Variants in TENM4 observed in about 807,000 individuals in gnomAD.
The protein encoded by TENM4 is teneurin transmembrane protein 4.
TENM4 carries 82 observed loss-of-function variants against 243.3 expected under a neutral mutation model. The ratio of observed to expected loss-of-function variants is 0.34; its 90% confidence interval spans 0.28 to 0.40. The LOEUF (loss-of-function observed/expected upper bound fraction) is 0.40, where lower values mean the gene tolerates loss of function less well. TENM4 is among the 10% of genes least tolerant of loss of function. The pLI is 1.00. For synonymous variants in TENM4, 1,412 were observed against 1,456.3 expected (o/e 0.97, Z 0.69); for missense variants, 3,138 against 3,673.3 (o/e 0.85, Z 3.77).
At chr11:78,668,616 T>C (rs1030895996) in intron 32 of TENM4, among the ~76,000 whole-genome samples, 6 of 152,180 alleles carry the variant, frequency 3.9e-5, no homozygotes, top group African/African-American at 1.4e-4. Flanking sequence ...GCTTTTACGG[T>C]CAAATAAGTT....
At chr11:79,224,312 G>T (rs1021773353) in intron 2 of TENM4, among the ~76,000 whole-genome samples, 36 of 152,176 alleles carry the variant, frequency 2.4e-4, no homozygotes, top group Non-Finnish European at 3.5e-4. Context: ...TAACAACGCC[G>T]AGTTAGTCAT....
At chr11:79,348,576 G>A (rs1005962935) in intron 1 of TENM4, among the ~76,000 whole-genome samples, 3 of 152,168 alleles carry the variant, frequency 2.0e-5, no homozygotes, top group Non-Finnish European at 2.9e-5. Context: ...AGTAATTAGG[G>A]TTAGATTAGG....
intron 12 of TENM4, among the ~76,000 whole-genome samples, chr11:78,847,361 C>G (rs1342588552): frequency 6.6e-6 from 1 of 152,226 alleles, no homozygotes; most frequent in Non-Finnish European, 1.5e-5. Context: ...AAGGTAAGAT[C>G]CCAAGGGCAG....
intron 1 of TENM4, among the ~76,000 whole-genome samples, chr11:79,310,091 G>C (rs951524528): frequency 1.3e-5 from 2 of 152,164 alleles, no homozygotes; most frequent in East Asian, 3.8e-4. Context: ...AACCCCTGAC[G>C]CAGGGTCCTG....
intron 12 of TENM4, among the ~76,000 whole-genome samples, chr11:78,826,043 C>G (rs1330072099): frequency 1.4e-5 from 2 of 147,566 alleles, no homozygotes; most frequent in Non-Finnish European, 3.0e-5. Context: ...CTCTCTACTA[C>G]TTACAAACCA....
At chr11:78,994,345 C>T (rs1393867778) in intron 6 of TENM4, among the ~76,000 whole-genome samples, 1 of 152,218 alleles carries the variant, frequency 6.6e-6, no homozygotes, top group Non-Finnish European at 1.5e-5. Flanking sequence ...ATCAAAGGCT[C>T]ATGAGGACCT....
intron 6 of TENM4, among the ~76,000 whole-genome samples, chr11:79,013,175 G>A (rs1163771579): frequency 6.6e-6 from 1 of 152,180 alleles, no homozygotes; most frequent in Admixed American, 6.5e-5. Context: ...GGGCACGAGA[G>A]CTGGTTAAGT....
At chr11:79,053,553 A>G (rs1026592903) in intron 6 of TENM4, among the ~76,000 whole-genome samples, 12 of 152,186 alleles carry the variant, frequency 7.9e-5, no homozygotes, top group African/African-American at 2.9e-4. Flanking sequence ...GGCTTTAGCC[A>G]TAATAGATCT....
intron 28 of TENM4, among the ~76,000 whole-genome samples, chr11:78,695,650 A>T (rs1858942039): frequency 6.7e-6 from 1 of 150,362 alleles, no homozygotes; most frequent in Admixed American, 6.6e-5. Context: ...GGTGTGAGCC[A>T]CTGCACCTGG....
intron 14 of TENM4, among the ~76,000 whole-genome samples, chr11:78,808,253 G>C (rs913788825): frequency 3.9e-5 from 6 of 152,184 alleles, no homozygotes; most frequent in Admixed American, 6.5e-5. Flanking sequence ...AAGTTATTTT[G>C]CTATTTAGGG....
At chr11:79,308,046 T>A (rs978973443) in intron 1 of TENM4, among the ~76,000 whole-genome samples, 1 of 152,160 alleles carries the variant, frequency 6.6e-6, no homozygotes, top group Admixed American at 6.5e-5. Context: ...GCCCAGGGAA[T>A]TGCCTCAGAA....
intron 2 of TENM4, among the ~76,000 whole-genome samples, chr11:79,265,436 G>A (rs1855867705): frequency 6.6e-6 from 1 of 152,112 alleles, no homozygotes; most frequent in African/African-American, 2.4e-5. Flanking sequence ...CAAAGACTTA[G>A]AGTGAAAACA....
chr11:78,929,990 G>A (rs192667251), intron 6 of TENM4, among the ~76,000 whole-genome samples: 5 of 152,294 alleles, frequency 3.3e-5, no homozygotes, highest in Admixed American at 2.0e-4. Flanking sequence ...CTGTGCCTCC[G>A]TCCTAAATGA....
chr11:78,781,237 G>T (rs1429098735), intron 16 of TENM4, among the ~76,000 whole-genome samples: 2 of 152,198 alleles, frequency 1.3e-5, no homozygotes, highest in Non-Finnish European at 2.9e-5. Context: ...TAGAAAAGAT[G>T]ATGCAAGCTT....
intron 3 of TENM4, among the ~76,000 whole-genome samples, chr11:79,197,015 G>A (rs1053077090): frequency 3.9e-5 from 6 of 152,186 alleles, no homozygotes; most frequent in Admixed American, 6.5e-5. Flanking sequence ...AAGCAAAAAG[G>A]CTCTGAGTCC....
At chr11:78,750,903 A>G (rs1751355383) in intron 19 of TENM4, among the ~76,000 whole-genome samples, 1 of 150,610 alleles carries the variant, frequency 6.6e-6, no homozygotes, top group Non-Finnish European at 1.5e-5. Context: ...GTTTTGAGAC[A>G]GGGTCTGGCT....
intron 6 of TENM4, among the ~76,000 whole-genome samples, chr11:78,906,759 C>T (rs1261481527): frequency 6.6e-6 from 1 of 152,192 alleles, no homozygotes; most frequent in African/African-American, 2.4e-5. Flanking sequence ...ATTTCCTCCC[C>T]AAGAGCATGC....
chr11:79,376,561 T>C (rs1417964578), intron 1 of TENM4, among the ~76,000 whole-genome samples: 5 of 152,340 alleles, frequency 3.3e-5, no homozygotes, highest in African/African-American at 1.2e-4. Context: ...TATATAATAG[T>C]CCCTTGACCT....
intron 1 of TENM4, among the ~76,000 whole-genome samples, chr11:79,343,968 T>C (rs1007702835): frequency 6.6e-6 from 1 of 152,210 alleles, no homozygotes; most frequent in African/African-American, 2.4e-5. Flanking sequence ...CCCAGATACT[T>C]CCCAGCTGCA....
Sources: allele counts gnomAD v4.1 joint callset (sites outside exome capture counted in the v4.1 genomes callset), GRCh38; gene constraint gnomAD v4.1.1; transcripts MANE v1.5; gene names NCBI Gene and HGNC (gene_info 2026-07-23, HGNC 2026-07-21).